Variants in CAGE1 observed in about 807,000 individuals in gnomAD.
CAGE1 encodes the protein cancer-associated gene 1 protein.
CAGE1 carries 66 observed loss-of-function variants against 94.9 expected under a neutral mutation model. The ratio of observed to expected loss-of-function variants is 0.70; its 90% CI spans 0.57 to 0.85. The LOEUF (loss-of-function observed/expected upper bound fraction) is 0.85, where lower values mean the gene tolerates loss of function less well. Among genes scored for constraint, CAGE1 ranks in the 40% least tolerant of loss-of-function variants. The pLI is 0.00. For synonymous variants in CAGE1, 319 were observed against 321.0 expected, an observed-to-expected ratio of 0.99 and a Z score of 0.07; for missense variants, 865 against 950.4, an observed-to-expected ratio of 0.91 and a Z score of 1.18.
chr6:7,389,601 A>T lies in CAGE1; in HGVS notation c.-423T>A, dbSNP rs1047290900. The T allele has an allele frequency of 5.8e-6, 2 of 342,278 alleles. No individual in the cohort carries two copies. Among genetic ancestry groups the T allele is most frequent in the Non-Finnish European group, 1.2e-5 (2 of 173,260 alleles). 21.2% of individuals were successfully genotyped at this position (342,278 alleles called of 1,614,324 possible). A position where few individuals can be genotyped will look rare whatever the true frequency, so the allele number is the denominator to read the frequency against. On this transcript the variant is annotated 5_prime_UTR_variant, in exon 1 of 14. Coordinates refer to ENST00000502583, the MANE Select transcript of CAGE1 (RefSeq NM_001170692.2). ...TGGGCTAGCTGGCGCCTCCTGCCGC[A>T]GTAAACACAAAGTGGGGTACAGAAA... is the stretch of plus-strand genomic sequence containing the variant.
chr6:7,340,755 C>A, intron 11 of CAGE1: 1 of 290,062 alleles, frequency 3.4e-6, no homozygotes, highest in East Asian at 9.4e-5. Flanking sequence ...TTAGGGGGTC[C>A]CTGAGCAAGT....
At chr6:7,329,782 A>C in intron 13 of CAGE1, 67 bp downstream of exon 13, 8 of 785,190 alleles carry the variant, frequency 1.0e-5, no homozygotes, top group Non-Finnish European at 1.5e-5. Context: ...CTCCTATTAA[A>C]TCTTGTGTTA....
chr6:7,335,544 C>G (rs191657956), intron 11 of CAGE1, among the ~76,000 whole-genome samples: 49 of 152,322 alleles, frequency 3.2e-4, no homozygotes, highest in African/African-American at 1.1e-3. Flanking sequence ...GAGAATGCTG[C>G]AGCCGTGAGA....
chr6:7,369,636 G>A (rs945117474), intron 6 of CAGE1, among the ~76,000 whole-genome samples: 2 of 152,176 alleles, frequency 1.3e-5, no homozygotes, highest in South Asian at 4.1e-4. Flanking sequence ...ACTGATCTGG[G>A]AGGGCATCGC....
chr6:7,389,022 T>C (rs1426380750), intron 1 of CAGE1, among the ~76,000 whole-genome samples, 180 bp downstream of exon 1: 1 of 152,244 alleles, frequency 6.6e-6, no homozygotes, highest in Non-Finnish European at 1.5e-5. Context: ...TTTTTCCATC[T>C]TTCATTTGTC....
At chr6:7,380,800 T>C (rs1003729209) in intron 3 of CAGE1, among the ~76,000 whole-genome samples, 1 of 152,218 alleles carries the variant, frequency 6.6e-6, no homozygotes, top group Admixed American at 6.5e-5. Flanking sequence ...AGCACTGCAG[T>C]GAACATGTTT....
rs1760201239 is a variant in CAGE1, at chr6:7,362,660, C to T, written c.2193+2808G>A. Among the ~76,000 whole-genome samples the T allele has an allele frequency of 1.3e-5, 2 of 152,130 alleles. No homozygotes were observed. Among genetic ancestry groups the T allele is most frequent in the Non-Finnish European group, 2.9e-5 (2 of 68,028 alleles). On this transcript the variant is annotated intron_variant, in intron 9 of 13. Coordinates refer to ENST00000502583, the MANE Select transcript of CAGE1 (RefSeq NM_001170692.2). This position sits in a 1 kb window ranked among gnomAD's most constrained non-coding sequence, Gnocchi z 4.1. ...GCATGAGCATCACCCTGCACTCCAG[C>T]GGCCACACCTTGCTGGCCCAGAGTT...
chr6:7,328,926 A>ATTTTT lies in CAGE1; in HGVS notation c.2478+922_2478+923insAAAAA, dbSNP rs1324230400. On this transcript the variant is annotated intron_variant, in intron 13 of 13. Coordinates refer to ENST00000502583, the MANE Select transcript of CAGE1 (RefSeq NM_001170692.2). Reference sequence around the variant, plus strand: ...TGTGTGTGTGTGTGTGTGTATATATATATATATATTTTTTTTTTTTTTTGA... The same window carrying ATTTTT: ...TGTGTGTGTGTGTGTGTGTATATATATTTTTTATATATATTTTTTTTTTTTTTTGA... 2.3e-5 allele frequency among the ~76,000 whole-genome samples: 2 copies of ATTTTT among 85,468 alleles called. 1 individual carries two copies. Among genetic ancestry groups the ATTTTT allele is most frequent in the South Asian group, 8.6e-4 (2 of 2,318 alleles). The allele number at this position is 85,468 out of a possible 152,430, so 56.1% of individuals were successfully genotyped here.
chr6:7,345,257 C>T (rs1008674230), intron 11 of CAGE1, among the ~76,000 whole-genome samples: 8 of 152,110 alleles, frequency 5.3e-5, no homozygotes, highest in Non-Finnish European at 1.0e-4. Context: ...CAACTCCAGA[C>T]ACGCTACCTT....
At chr6:7,380,353 A>C (rs995609160) in intron 3 of CAGE1, among the ~76,000 whole-genome samples, 3 of 152,046 alleles carry the variant, frequency 2.0e-5, no homozygotes, top group Non-Finnish European at 2.9e-5. Flanking sequence ...GCCATATAAA[A>C]GTCTTGGACG....
intron 12 of CAGE1, among the ~76,000 whole-genome samples, chr6:7,333,638 C>CTA (rs1257307194): frequency 0.014 from 444 of 32,458 alleles, 4 homozygotes; most frequent in East Asian, 0.017. Context: ...ATCTATCTAA[C>CTA]TATCTATATA....
intron 11 of CAGE1, among the ~76,000 whole-genome samples, chr6:7,340,054 C>G (rs1759108750): frequency 6.6e-6 from 1 of 152,136 alleles, no homozygotes; most frequent in Non-Finnish European, 1.5e-5. Flanking sequence ...GAAGTGTTCC[C>G]TTTTTACCGC....
At chr6:7,358,025 G>GAGAT (rs1454896963) in intron 9 of CAGE1, among the ~76,000 whole-genome samples, 430 of 20,226 alleles carry the variant, frequency 0.021, 3 homozygotes, top group Middle Eastern at 0.05. Context: ...GGTAAGTTTT[G>GAGAT]AGATATATAT....
intron 7 of CAGE1, 83 bp from the exon 8 acceptor site, chr6:7,365,967 C>T (rs1047781844): frequency 1.6e-5 from 14 of 851,618 alleles, no homozygotes; most frequent in South Asian, 7.4e-5. Flanking sequence ...CAAACCGGGC[C>T]GGGCGTAGTG....
chr6:7,367,278 A>ATTTTTTTTTTTTTTTTTTT (rs70978961), intron 7 of CAGE1, among the ~76,000 whole-genome samples: 144 of 111,082 alleles, frequency 1.3e-3, no homozygotes, highest in African/African-American at 2.2e-3. Context: ...TATTTGGGGG[A>ATTTTTTTTTTTTTTTTTTT]TTTTTTTTTT....
intron 11 of CAGE1, among the ~76,000 whole-genome samples, chr6:7,354,050 T>C (rs956458662): frequency 6.6e-5 from 10 of 151,394 alleles, no homozygotes; most frequent in African/African-American, 1.2e-4. Context: ...AAGGAACTTA[T>C]CTAACCAAAT....
At position 7,334,174 on chromosome 6, in the gene CAGE1, T is replaced by C; in HGVS notation, c.2370-84A>G. The C allele has an allele frequency of 4.2e-6, 3 of 706,688 alleles. No homozygotes were observed. In the South Asian group the frequency reaches 5.2e-5, roughly 12 times the overall value. 43.8% of individuals were successfully genotyped at this position (706,688 alleles called of 1,614,324 possible). A position where few individuals can be genotyped will look rare whatever the true frequency, so the allele number is the denominator to read the frequency against. On this transcript the variant is annotated intron_variant, in intron 11 of 13. Coordinates refer to ENST00000502583, the MANE Select transcript of CAGE1 (RefSeq NM_001170692.2). ...TGTTAGATTCACTGGAGGATTTTAGTAGGTAAAAATAGGTAATCTAATTAT... is the reference window on the plus strand; with the variant it reads ...TGTTAGATTCACTGGAGGATTTTAGCAGGTAAAAATAGGTAATCTAATTAT...
At position 7,339,190 on chromosome 6, in the gene CAGE1, T is replaced by C. The variant is rs1759077444; in HGVS notation, c.2370-5100A>G. 7.9e-6 allele frequency: 12 copies of C among 1,522,618 alleles called. No individual in the cohort carries two copies. The highest frequency in any genetic ancestry group is 5.0e-5 in the Admixed American group (3 of 59,908). 94.3% of individuals were successfully genotyped at this position (1,522,618 alleles called of 1,614,324 possible). The stretch of plus-strand genomic sequence containing the variant: ...TCACAGCCTTTGGCCCCAGTTTCCA[T>C]GATGAACCGCGACACACCATAGCAG... On this transcript the variant is annotated intron_variant, in intron 11 of 13. Transcript: ENST00000502583. The surrounding 1 kb of genome is among the most constrained non-coding windows in gnomAD (Gnocchi z 4.7).
chr6:7,345,680 C>G (rs1240120810), intron 11 of CAGE1, among the ~76,000 whole-genome samples: 3 of 152,122 alleles, frequency 2.0e-5, no homozygotes, highest in African/African-American at 7.2e-5. Context: ...GTAATCCCAG[C>G]ACTTTGGGAG....
Sources: gnomAD v4.1 joint callset for allele counts (sites outside exome capture counted in the v4.1 genomes callset) on GRCh38, gnomAD v4.1.1 for gene constraint, Gnocchi (gnomAD v3.1) non-coding constraint, MANE v1.5 for transcripts, NCBI Gene and HGNC (gene_info 2026-07-23, HGNC 2026-07-21) for gene names.